Variants in RGS22 observed in about 807,000 individuals in gnomAD.
The protein encoded by RGS22 is regulator of G-protein signaling 22.
In RGS22, 148 loss-of-function variants were observed where a neutral mutation model predicts 172.9. That is an observed-to-expected ratio of 0.86 (90% CI 0.75 to 0.98). RGS22 has a LOEUF of 0.98. Ranked by LOEUF, RGS22 falls within the 50% of genes least tolerant of loss-of-function variation. The pLI is 0.00. For synonymous variants in RGS22, 458 were observed against 480.2 expected (o/e 0.95, Z 0.60); for missense variants, 1,347 against 1,440.8 (o/e 0.93, Z 1.05).
intron 2 of RGS22, among the ~76,000 whole-genome samples, chr8:100,102,697 TG>T (rs1465509750): frequency 6.6e-6 from 1 of 152,204 alleles, no homozygotes; most frequent in African/African-American, 2.4e-5. Context: ...GAAGGGCAAC[TG>T]AGACAAAATT....
At chr8:99,968,317 C>G (rs1438017449) in intron 23 of RGS22, among the ~76,000 whole-genome samples, 2 of 152,104 alleles carry the variant, frequency 1.3e-5, no homozygotes, top group East Asian at 1.9e-4. Context: ...AACCAGAATG[C>G]CTCTTCTCCT....
chr8:99,996,041 C>T (rs1172911443), intron 20 of RGS22, among the ~76,000 whole-genome samples: 1 of 131,756 alleles, frequency 7.6e-6, no homozygotes. Flanking sequence ...TGTTATCACT[C>T]ATAGGTAGGA....
intron 4 of RGS22, among the ~76,000 whole-genome samples, chr8:100,079,177 A>C (rs563902986): frequency 6.6e-6 from 1 of 152,384 alleles, no homozygotes; most frequent in Admixed American, 6.5e-5. Context: ...TGAATAAAAC[A>C]ATAAACATTG....
At chr8:100,063,084 A>G (rs1429006102) in intron 8 of RGS22, among the ~76,000 whole-genome samples, 1 of 152,186 alleles carries the variant, frequency 6.6e-6, no homozygotes, top group African/African-American at 2.4e-5. Flanking sequence ...TATAACTGAT[A>G]AATTATTTTA....
At chr8:100,105,233 G>GTTATTAAATTATTATTTAAT in intron 2 of RGS22, 141 bp downstream of exon 2, 1 of 668,410 alleles carries the variant, frequency 1.5e-6, no homozygotes, top group Non-Finnish European at 2.7e-6. Flanking sequence ...AAAAGATCTT[G>GTTATTAAATTATTATTTAAT]TACACAGTTA....
At chr8:99,998,245 C>G (rs1814602953) in intron 19 of RGS22, among the ~76,000 whole-genome samples, 1 of 152,100 alleles carries the variant, frequency 6.6e-6, no homozygotes, top group South Asian at 2.1e-4. Context: ...GAGTGTTTGC[C>G]ATGTGCCAGG....
intron 20 of RGS22, among the ~76,000 whole-genome samples, chr8:99,996,108 T>TG (rs1814337713): frequency 3.8e-5 from 1 of 26,370 alleles, no homozygotes; most frequent in African/African-American, 1.6e-4. Context: ...CTGGGGCCTG[T>TG]TGGGGGGTGG....
Position 99,961,092 on chromosome 8 carries a change from C to G in RGS22, c.*150G>C. 2.5e-6 allele frequency: 1 copy of G among 395,308 alleles called. No homozygotes were observed. The highest frequency in any genetic ancestry group is 1.9e-5 in the South Asian group (1 of 53,208). The allele number at this position is 395,308 out of a possible 1,614,324, so 24.5% of individuals were successfully genotyped here. On this transcript the variant is annotated 3_prime_UTR_variant, in exon 28 of 28. Coordinates refer to ENST00000360863, the MANE Select transcript of RGS22 (RefSeq NM_015668.5). ...TTTATTTATTTCCCACCTGGAAAAT[C>G]CAGAATCAAACTTTATTTAGATGTT...
At chr8:100,009,650 A>T (rs1367542742) in intron 14 of RGS22, among the ~76,000 whole-genome samples, 1 of 152,214 alleles carries the variant, frequency 6.6e-6, no homozygotes, top group African/African-American at 2.4e-5. Context: ...TAGTTAACTT[A>T]TACTTTATTT....
At chr8:100,041,091 C>A (rs1043099166) in intron 12 of RGS22, among the ~76,000 whole-genome samples, 1 of 152,142 alleles carries the variant, frequency 6.6e-6, no homozygotes, top group Non-Finnish European at 1.5e-5. Context: ...AGGTTTCTAC[C>A]TAAAGTATAA....
At position 99,999,344 on chromosome 8, in the gene RGS22, T is replaced by C; in HGVS notation, c.2867A>G (p.Lys956Arg). 6.2e-7 allele frequency: 1 copy of C among 1,613,984 alleles called. No individual in the cohort carries two copies. The highest frequency in any genetic ancestry group is 1.1e-5 in the South Asian group (1 of 91,060). Reference protein sequence around the residue: ...LDAPVLVEIQKHVQNRLENVW... With the variant: ...LDAPVLVEIQRHVQNRLENVW... The stretch of plus-strand genomic sequence containing the variant: ...ATTTTCTAGCCTATTTTGCACATGC[T>C]TCTGGATTTCAACTAGAACAGGTGC... The change falls in exon 19 of 28, where the codon AAG becomes AGG. Residue 956 changes from lysine to arginine, a missense_variant. By Grantham distance (26) the Lys-to-Arg change is conservative. Coordinates refer to ENST00000360863, the MANE Select transcript of RGS22 (RefSeq NM_015668.5).
chr8:100,083,582 G>C (rs976536443), intron 3 of RGS22, among the ~76,000 whole-genome samples: 2 of 152,020 alleles, frequency 1.3e-5, no homozygotes, highest in African/African-American at 4.8e-5. Context: ...TGGCCAGGAT[G>C]GTCTCAATCT....
At chr8:100,022,931 T>C (rs1209663648) in intron 14 of RGS22, among the ~76,000 whole-genome samples, 1 of 152,044 alleles carries the variant, frequency 6.6e-6, no homozygotes, top group Non-Finnish European at 1.5e-5. Flanking sequence ...GGTTTTGTTA[T>C]GCTGCCCAGG....
rs1286916579 is a variant in RGS22 at position 99,977,977 on chromosome 8, T to C, written c.3459A>G (p.Arg1153=). 3.2e-6 allele frequency: 5 copies of C among 1,559,034 alleles called. No individual in the cohort carries two copies. The East Asian group carries it at 1.2e-4, about 37-fold the overall frequency. The change falls in exon 23 of 28, where the codon AGA becomes AGG. Residue 1153 remains arginine, a synonymous_variant. Coordinates refer to ENST00000360863, the MANE Select transcript of RGS22 (RefSeq NM_015668.5). Reference sequence around the variant, plus strand: ...TTTTTTTCTGCTTATTATATTCTTGTCTTCTCTCTAAAACACTCATAATAT... The same window carrying C: ...TTTTTTTCTGCTTATTATATTCTTGCCTTCTCTCTAAAACACTCATAATAT... ...DENIMSVLER[R]QEYNKQKKKL...
intron 7 of RGS22, among the ~76,000 whole-genome samples, chr8:100,065,737 A>AT (rs938911486): frequency 1.3e-5 from 2 of 151,500 alleles, no homozygotes; most frequent in Admixed American, 6.6e-5. Flanking sequence ...TCCATCAATA[A>AT]TTTTTTTTTA....
intron 3 of RGS22, among the ~76,000 whole-genome samples, chr8:100,091,201 GACA>G (rs1202662909): frequency 4.6e-5 from 7 of 150,916 alleles, no homozygotes; most frequent in African/African-American, 1.2e-4. Flanking sequence ...GAAAACCCGC[GACA>G]ACATTTTCTC....
chr8:100,052,731 T>C, intron 10 of RGS22, 71 bp downstream of exon 10: 3 of 1,350,328 alleles, frequency 2.2e-6, no homozygotes, highest in South Asian at 1.3e-5. Context: ...AAATTATCAG[T>C]GCACAAACAC....
At chr8:100,061,483 T>G (rs571458166) in intron 9 of RGS22, among the ~76,000 whole-genome samples, 2 of 152,090 alleles carry the variant, frequency 1.3e-5, no homozygotes, top group Non-Finnish European at 2.9e-5. Context: ...CATTAAAAAG[T>G]AGGTAAAGGA....
At chr8:100,060,425 C>T (rs867294132) in intron 9 of RGS22, among the ~76,000 whole-genome samples, 899 of 80,420 alleles carry the variant, frequency 0.011, 3 homozygotes, top group Middle Eastern at 0.019. Flanking sequence ...TATATATACA[C>T]ACACACACAC....
Sources: allele counts gnomAD v4.1 joint callset (sites outside exome capture counted in the v4.1 genomes callset), GRCh38; gene constraint gnomAD v4.1.1; transcripts MANE v1.5; gene names NCBI Gene and HGNC (gene_info 2026-07-23, HGNC 2026-07-21).